MDH2: variants seen among roughly 807,000 people sequenced by gnomAD.
MDH2 encodes malate dehydrogenase 2, also known as malate dehydrogenase, mitochondrial.
Under a neutral mutation model 33.6 loss-of-function variants are expected in MDH2, and 25 were observed. The observed-to-expected ratio is 0.74, with a 90% CI of 0.54 to 1.04. The LOEUF (loss-of-function observed/expected upper bound fraction) is 1.04, where lower values mean the gene tolerates loss of function less well. Ranked by LOEUF, MDH2 falls within the 50% of genes least tolerant of loss-of-function variation. The pLI, the probability that MDH2 is intolerant of heterozygous loss-of-function variation, is 0.00. For synonymous variants in MDH2, 193 were observed against 188.7 expected (o/e 1.02, Z -0.19); for missense variants, 432 against 445.0 (o/e 0.97, Z 0.26).
chr7:76,058,225 C>G, intron 4 of MDH2, 147 bp downstream of exon 4: 1 of 707,002 alleles, frequency 1.4e-6, no homozygotes. Flanking sequence ...ATGGAGAGGT[C>G]GGGTGCACTA....
At chr7:76,061,180 C>G (rs1248388642) in intron 5 of MDH2, among the ~76,000 whole-genome samples, 1 of 152,210 alleles carries the variant, frequency 6.6e-6, no homozygotes, top group Admixed American at 6.5e-5. Context: ...GAACCACTTC[C>G]TTTGGCCCCA....
chr7:76,057,794 G>A (rs1356297298), intron 3 of MDH2, among the ~76,000 whole-genome samples, 175 bp from the exon 4 acceptor site: 2 of 152,148 alleles, frequency 1.3e-5, no homozygotes, highest in African/African-American at 4.8e-5. Context: ...CTCCACCCAT[G>A]CAGACCTCGC....
At chr7:76,050,968 G>A (rs373651507) in intron 1 of MDH2, among the ~76,000 whole-genome samples, 149 of 152,132 alleles carry the variant, frequency 9.8e-4, no homozygotes, top group African/African-American at 3.3e-3. Flanking sequence ...TGCAGCCTCC[G>A]CCTCCTGGGT....
At chr7:76,057,848 C>T (rs1797828166) in intron 3 of MDH2, 121 bp from the exon 4 acceptor site, 1 of 848,046 alleles carries the variant, frequency 1.2e-6, no homozygotes, top group Admixed American at 2.2e-5. Context: ...GCAAGAGGGA[C>T]TGACTTGAAA....
At chr7:76,060,237 G>C (rs1043164085) in intron 4 of MDH2, 136 bp from the exon 5 acceptor site, 10 of 1,172,158 alleles carry the variant, frequency 8.5e-6, no homozygotes, top group Non-Finnish European at 9.4e-6. Context: ...AGAGTTATCA[G>C]ACAGGGCAGT....
Position 76,048,528 on chromosome 7 carries a change from G to A in MDH2, c.66+302G>A, listed in dbSNP as rs1257837815. On this transcript the variant is annotated intron_variant, in intron 1 of 8. Coordinates refer to ENST00000315758, the MANE Select transcript of MDH2 (RefSeq NM_005918.4). Reference sequence around the variant, plus strand: ...TTGGCTTGCACGCCTTCAAGGTTGGGAAACCAGGGCTCTGCATCTGAAAGT... The same window carrying A: ...TTGGCTTGCACGCCTTCAAGGTTGGAAAACCAGGGCTCTGCATCTGAAAGT... 3 of 1,327,132 alleles carry A rather than the reference G, an allele frequency of 2.3e-6. No individual in the cohort carries two copies. The African/African-American group carries it at 4.6e-5, about 20-fold the overall frequency. 82.2% of individuals were successfully genotyped at this position (1,327,132 alleles called of 1,614,324 possible). A position where few individuals can be genotyped will look rare whatever the true frequency, so the allele number is the denominator to read the frequency against.
chr7:76,054,785 A>T, intron 1 of MDH2, 45 bp from the exon 2 acceptor site: 1 of 1,611,482 alleles, frequency 6.2e-7, no homozygotes, highest in Non-Finnish European at 8.5e-7. Context: ...AATCCTTTTC[A>T]TGCTCATTTC....
intron 4 of MDH2, 35 bp downstream of exon 4, chr7:76,058,113 G>A (rs1797839242): frequency 1.3e-6 from 2 of 1,584,808 alleles, no homozygotes; most frequent in Non-Finnish European, 1.7e-6. Flanking sequence ...TGCAGCTATG[G>A]CAGGTGTTTA....
chr7:76,066,555 CTG>C lies in MDH2; in HGVS notation c.*148_*149del. 1.0e-6 allele frequency: 1 copy of C among 989,452 alleles called. No individual in the cohort carries two copies. 61.3% of individuals were successfully genotyped at this position (989,452 alleles called of 1,614,324 possible). On this transcript the variant is annotated 3_prime_UTR_variant, in exon 9 of 9. Transcript: ENST00000315758. ...CATGCCTTCCAAATTGTGGGTGGCT[CTG>C]TGGGCGCATCAATAAAAGCCGTCCT...
intron 1 of MDH2, among the ~76,000 whole-genome samples, chr7:76,049,570 T>G (rs1797536637): frequency 6.6e-6 from 1 of 151,016 alleles, no homozygotes; most frequent in African/African-American, 2.4e-5. Context: ...GGATGAGGTG[T>G]GGGGGAGGGG....
intron 5 of MDH2, among the ~76,000 whole-genome samples, chr7:76,062,721 C>G (rs2116693871): frequency 6.6e-6 from 1 of 152,292 alleles, no homozygotes; most frequent in South Asian, 2.1e-4. Context: ...TCAGGACCAG[C>G]CTGGGCAACA....
intron 2 of MDH2, among the ~76,000 whole-genome samples, chr7:76,056,896 C>T (rs1554586339): frequency 6.6e-6 from 1 of 152,030 alleles, no homozygotes; most frequent in African/African-American, 2.4e-5. Flanking sequence ...GCCTGTAATC[C>T]CAGCTACTGA....
intron 1 of MDH2, chr7:76,048,660 T>G: frequency 8.0e-7 from 1 of 1,257,290 alleles, no homozygotes; most frequent in Non-Finnish European, 1.0e-6. Flanking sequence ...ACTTCCTAAT[T>G]CCATAGTATG....
chr7:76,058,868 G>A (rs1375840641), intron 4 of MDH2, among the ~76,000 whole-genome samples: 3 of 152,166 alleles, frequency 2.0e-5, no homozygotes, highest in Admixed American at 1.3e-4. Context: ...TGGTGTAGAC[G>A]CATGGGTATG....
rs994664096 is a variant in MDH2, at chr7:76,067,380, A to T, written c.*970A>T. The T allele has an allele frequency of 2.0e-5, 3 of 152,216 alleles. No individual in the cohort carries two copies. Among genetic ancestry groups the T allele is most frequent in the East Asian group, 1.9e-4 (1 of 5,204 alleles). The allele number at this position is 152,216 out of a possible 1,614,324, so 9.4% of individuals were successfully genotyped here. A position where few individuals can be genotyped will look rare whatever the true frequency, so the allele number is the denominator to read the frequency against. Reference sequence around the variant, plus strand: ...GTCCACAACAGCTTTTTGTTTTTTTAAAAAAGCTAAAATGGAAATGGATTT... The same window carrying T: ...GTCCACAACAGCTTTTTGTTTTTTTTAAAAAGCTAAAATGGAAATGGATTT... On this transcript the variant is annotated 3_prime_UTR_variant, in exon 9 of 9. Transcript: ENST00000315758.
chr7:76,054,358 G>A, intron 1 of MDH2: 1 of 177,234 alleles, frequency 5.6e-6, no homozygotes. Context: ...AACCCCATCT[G>A]CCCTCTTGCA....
intron 8 of MDH2, among the ~76,000 whole-genome samples, chr7:76,065,858 A>G (rs541091142): frequency 1.3e-5 from 2 of 152,170 alleles, no homozygotes; most frequent in African/African-American, 2.4e-5. Context: ...TCCTTTACCA[A>G]CCTGCGGGGA....
chr7:76,055,826 C>A (rs1339157256), intron 2 of MDH2, among the ~76,000 whole-genome samples: 1 of 129,050 alleles, frequency 7.7e-6, no homozygotes, highest in Non-Finnish European at 1.6e-5. Flanking sequence ...TTGCATGTCA[C>A]CAAATTTTTT....
intron 1 of MDH2, among the ~76,000 whole-genome samples, chr7:76,052,710 A>C (rs1554585659): frequency 6.7e-6 from 1 of 150,064 alleles, no homozygotes. Flanking sequence ...ATGTCTGGCT[A>C]ATTTTTTTTA....
Sources: gnomAD v4.1 joint callset for allele counts (sites outside exome capture counted in the v4.1 genomes callset) on GRCh38, gnomAD v4.1.1 for gene constraint, MANE v1.5 for transcripts, NCBI Gene and HGNC (gene_info 2026-07-23, HGNC 2026-07-21) for gene names.